PPP2R2D: variants seen among roughly 807,000 people sequenced by gnomAD.
PPP2R2D encodes the protein serine/threonine-protein phosphatase 2A 55 kDa regulatory subunit B delta isoform.
A neutral mutation model predicts 31.1 loss-of-function variants in PPP2R2D; 9 were observed. The ratio of observed to expected loss-of-function variants is 0.29; its 90% confidence interval spans 0.17 to 0.51. The LOEUF is 0.51. Ranked by LOEUF, PPP2R2D falls within the 20% of genes least tolerant of loss-of-function variation. The pLI is 0.98. For missense variants in PPP2R2D, 391 were observed against 465.6 expected (o/e 0.84, Z 1.48); for synonymous variants, 179 against 172.6 (o/e 1.04, Z -0.29).
intron 2 of PPP2R2D, among the ~76,000 whole-genome samples, chr10:131,917,265 G>A (rs371145938): frequency 2.1e-4 from 27 of 131,610 alleles, no homozygotes; most frequent in Admixed American, 2.3e-4. Flanking sequence ...GGGACCTCAG[G>A]CGGGTGGAAT....
rs782274738 is a variant in PPP2R2D at position 131,947,735 on chromosome 10, C to G, written c.1026C>G (p.Leu342=). 6.2e-6 allele frequency: 10 copies of G among 1,614,082 alleles called. No homozygotes were observed. In the East Asian group the frequency reaches 2.0e-4, roughly 32 times the overall value. The change falls in exon 8 of 9, where the codon CTC becomes CTG. Residue 342 remains leucine (L), a synonymous_variant. Transcript: ENST00000455566. The surrounding 1 kb of genome is among the most constrained non-coding windows in gnomAD (Gnocchi z 4.3). The stretch of plus-strand genomic sequence containing the variant: ...ACCTGCGCAGCAAGCTCTGCTCTCT[C>G]TATGAGAACGACTGCATCTTTGACA... ...HEYLRSKLCS[L]YENDCIFDKF... is the part of the protein sequence containing the mutation.
chr10:131,944,179 C>T (rs1461994763), intron 6 of PPP2R2D, 34 bp downstream of exon 6: 13 of 1,561,548 alleles, frequency 8.3e-6, no homozygotes, highest in African/African-American at 2.8e-5. Flanking sequence ...GGCGTCTTCC[C>T]GAGGGTGCTC....
intron 2 of PPP2R2D, among the ~76,000 whole-genome samples, chr10:131,932,216 G>A (rs10781555): frequency 0.28 from 42,301 of 151,912 alleles, 6,006 homozygotes; most frequent in East Asian, 0.45. Context: ...CAGTGCCACG[G>A]CAGGTGGAGT....
At chr10:131,909,919 A>G (rs2035656351) in intron 2 of PPP2R2D, among the ~76,000 whole-genome samples, 2 of 152,390 alleles carry the variant, frequency 1.3e-5, no homozygotes, top group East Asian at 1.9e-4. Flanking sequence ...AGATTAAGCA[A>G]GAAGAACAGT....
In PPP2R2D at chr10:131,955,867, C is replaced by G. The variant is rs2036786493; in HGVS notation, c.1266C>G (p.Asn422Lys). ...TCAGTGTGGACAGTCTGGACTTCAA[C>G]AAGAAGATCCTGCACACAGCCTGGC... ...DEISVDSLDF[N>K]KKILHTAWHP... The change falls in exon 9 of 9, where the codon AAC becomes AAG. Residue 422 changes from asparagine (N) to lysine (K), a missense_variant. By Grantham distance (94) the Asn-to-Lys change is moderately conservative (BLOSUM62 0). This residue lies in a region of PPP2R2D where 163 missense variants were observed against 179.5 expected (regional missense o/e 0.91). Coordinates refer to ENST00000455566, the MANE Select transcript of PPP2R2D (RefSeq NM_018461.5). 3.1e-6 allele frequency: 5 copies of G among 1,609,996 alleles called. No individual in the cohort carries two copies. Among genetic ancestry groups the G allele is most frequent in the Non-Finnish European group, 8.5e-7 (1 of 1,177,970 alleles).
intron 5 of PPP2R2D, among the ~76,000 whole-genome samples, chr10:131,943,132 C>CT (rs1475467304): frequency 6.6e-6 from 1 of 152,026 alleles, no homozygotes; most frequent in Non-Finnish European, 1.5e-5. Context: ...AGACACAGGC[C>CT]TTTTTCCTTT....
At chr10:131,955,523 C>T (rs782419401) in intron 8 of PPP2R2D, among the ~76,000 whole-genome samples, 161 bp from the exon 9 acceptor site, 1 of 152,178 alleles carries the variant, frequency 6.6e-6, no homozygotes, top group Admixed American at 6.5e-5. Flanking sequence ...ATTTTCACTG[C>T]ATTTCTCTTC....
rs187964052 is a variant in PPP2R2D, at chr10:131,925,105, G to A, written c.101-9353G>A. ...CAATATAATGCCATCTGTGAATAGA[G>A]ATATGTTACTCCTTTTTAATCTGGA... On this transcript the variant is annotated intron_variant, in intron 2 of 8. Coordinates refer to ENST00000455566, the MANE Select transcript of PPP2R2D (RefSeq NM_018461.5). 3.9e-3 allele frequency among the ~76,000 whole-genome samples: 594 copies of A among 152,292 alleles called. 1 individual carries two copies. Among genetic ancestry groups the A allele is most frequent in the South Asian group, 6.8e-3 (33 of 4,834 alleles).
At chr10:131,914,496 C>A (rs1264802581) in intron 2 of PPP2R2D, among the ~76,000 whole-genome samples, 1 of 152,100 alleles carries the variant, frequency 6.6e-6, no homozygotes, top group Non-Finnish European at 1.5e-5. Flanking sequence ...GGGTTAGGAC[C>A]CCAAGGTTCC....
In PPP2R2D at chr10:131,948,786, T is replaced by C. The variant is rs1205954353; in HGVS notation, c.1082+995T>C. ...TCATGGTGGCTTTTCCTGTATGTGC[T>C]TGGTAATTTTCAAGAGCTGAAGCCT... On this transcript the variant is annotated intron_variant, in intron 8 of 8. Transcript: ENST00000455566. Among the ~76,000 whole-genome samples, 5 of 152,166 alleles carry C rather than the reference T, an allele frequency of 3.3e-5. No homozygotes were observed. The East Asian group carries it at 9.7e-4, about 29-fold the overall frequency.
chr10:131,943,816 C>T (rs1210965362), intron 5 of PPP2R2D, among the ~76,000 whole-genome samples, 152 bp from the exon 6 acceptor site: 1 of 152,206 alleles, frequency 6.6e-6, no homozygotes, highest in Non-Finnish European at 1.5e-5. Context: ...ATTTTCATAA[C>T]TCTGCTAATT....
At chr10:131,954,630 C>CT (rs35027240) in intron 8 of PPP2R2D, among the ~76,000 whole-genome samples, 4,109 of 144,162 alleles carry the variant, frequency 0.029, 77 homozygotes, top group Middle Eastern at 0.046. Context: ...CTGAGTTCGT[C>CT]TTTTTTTTTT....
chr10:131,943,426 T>C (rs1476345878), intron 5 of PPP2R2D, among the ~76,000 whole-genome samples: 2 of 152,142 alleles, frequency 1.3e-5, no homozygotes, highest in African/African-American at 4.8e-5. Context: ...CACATGCCCA[T>C]GTAGCCAGCC....
At chr10:131,970,928 T>G in the PPP2R2D span, 1 of 1,614,274 alleles carries the variant, frequency 6.2e-7, no homozygotes, top group Non-Finnish European at 8.5e-7. The surrounding 1 kb of genome is among the most constrained non-coding windows in gnomAD (Gnocchi z 4.1). Context: ...TTCTTCAAGA[T>G]GCTTTCAACT....
chr10:131,947,386 A>T lies in PPP2R2D; in HGVS notation c.821-144A>T, dbSNP rs577351589. On this transcript the variant is annotated intron_variant, in intron 7 of 8. Coordinates refer to ENST00000455566, the MANE Select transcript of PPP2R2D (RefSeq NM_018461.5). This position sits in a 1 kb window ranked among gnomAD's most constrained non-coding sequence, Gnocchi z 4.3. ...AGTCACAGAAGATCAGAAAACCTAG[A>T]GAATCAGAAAGATCAGAAGACCTAG... The T allele has an allele frequency of 4.3e-5, 36 of 827,734 alleles. No individual in the cohort carries two copies. The African/African-American group carries it at 6.2e-4, about 14-fold the overall frequency. The allele number at this position is 827,734 out of a possible 1,614,324, so 51.3% of individuals were successfully genotyped here.
Position 131,925,009 on chromosome 10 carries a change from T to C in PPP2R2D, c.101-9449T>C, listed in dbSNP as rs183644375. On this transcript the variant is annotated intron_variant, in intron 2 of 8. Transcript: ENST00000455566. ...TTGACTTTATTGGCCTTGCATCCTG[T>C]GTCCTTGCTGAACCTGTTTATTATC... 1.2e-4 allele frequency among the ~76,000 whole-genome samples: 19 copies of C among 152,362 alleles called. No individual in the cohort carries two copies. In the East Asian group the frequency reaches 3.1e-3, roughly 25 times the overall value.
rs782459184 is a variant in PPP2R2D, at chr10:131,944,163, G to A, written c.655+18G>A. Reference sequence around the variant, plus strand: ...AAGCTTTAGTATCCTTCCTCAGAGGGACACTGGCGTCTTCCCGAGGGTGCT... The same window carrying A: ...AAGCTTTAGTATCCTTCCTCAGAGGAACACTGGCGTCTTCCCGAGGGTGCT... On this transcript the variant is annotated intron_variant, in intron 6 of 8. Transcript: ENST00000455566. 6.3e-7 allele frequency: 1 copy of A among 1,596,446 alleles called. No individual in the cohort carries two copies. The highest frequency in any genetic ancestry group is 8.5e-7 in the Non-Finnish European group (1 of 1,171,354).
intron 2 of PPP2R2D, among the ~76,000 whole-genome samples, chr10:131,920,038 G>GT (rs1554894006): frequency 1.3e-5 from 2 of 151,188 alleles, no homozygotes; most frequent in African/African-American, 2.4e-5. Context: ...ATGACACAGT[G>GT]TAGGGACCTC....
In PPP2R2D at chr10:131,944,230, C is replaced by A. The variant is rs542210724; in HGVS notation, c.655+85C>A. ...CTCTCGTCCCTTTATACACCTGTAT[C>A]TCGGAGTCTAGTCTTGTAAATACCA... On this transcript the variant is annotated intron_variant, in intron 6 of 8. Transcript: ENST00000455566. 1.3e-5 allele frequency: 15 copies of A among 1,125,902 alleles called. No individual in the cohort carries two copies. In the Admixed American group the frequency reaches 3.3e-4, roughly 25 times the overall value. 69.7% of individuals were successfully genotyped at this position (1,125,902 alleles called of 1,614,324 possible). A position where few individuals can be genotyped will look rare whatever the true frequency, so the allele number is the denominator to read the frequency against.
Sources: gnomAD v4.1 joint callset for allele counts (sites outside exome capture counted in the v4.1 genomes callset) on GRCh38, gnomAD v4.1.1 for gene constraint, gnomAD v4.1.1 regional missense constraint, Gnocchi (gnomAD v3.1) non-coding constraint, MANE v1.5 for transcripts, NCBI Gene and HGNC (gene_info 2026-07-23, HGNC 2026-07-21) for gene names.